Variants in ATAD1 observed in about 807,000 individuals in gnomAD.
ATAD1 encodes ATPase family AAA domain containing 1.
In ATAD1, 18 loss-of-function variants were observed where a neutral mutation model predicts 42.7. The observed-to-expected ratio is 0.42, with a 90% CI of 0.29 to 0.63. The LOEUF (loss-of-function observed/expected upper bound fraction) is 0.63. Ranked by LOEUF, ATAD1 falls within the 20% of genes least tolerant of loss-of-function variation. The pLI is 0.19. For missense variants in ATAD1, 294 were observed against 440.4 expected (o/e 0.67, Z 2.98); for synonymous variants, 132 against 143.1 (o/e 0.92, Z 0.55).
At position 87,810,691 on chromosome 10, in the gene ATAD1, T is replaced by A. The variant is rs557405071; in HGVS notation, c.162+3747A>T. Among the ~76,000 whole-genome samples, 3 of 152,362 alleles carry A rather than the reference T, an allele frequency of 2.0e-5. No individual in the cohort carries two copies. The South Asian group carries it at 6.2e-4, about 32-fold the overall frequency. On this transcript the variant is annotated intron_variant, in intron 2 of 9. Coordinates refer to ENST00000680024, the MANE Select transcript of ATAD1 (RefSeq NM_001321967.2). The stretch of plus-strand genomic sequence containing the variant: ...GGTATATACATTTCCATCTTTTTAC[T>A]TTCAACCTTTCTGAATCTATATTTT...
chr10:87,821,810 T>G (rs1478058522), upstream of ATAD1, among the ~76,000 whole-genome samples: 4 of 152,256 alleles, frequency 2.6e-5, no homozygotes, highest in Non-Finnish European at 4.4e-5. Context: ...GAAATAAATT[T>G]CTGTTGTTTA....
At chr10:87,770,570 A>G (rs1025571748) in intron 7 of ATAD1, among the ~76,000 whole-genome samples, 3 of 152,200 alleles carry the variant, frequency 2.0e-5, no homozygotes, top group Non-Finnish European at 2.9e-5. Flanking sequence ...GTTGTTGTTC[A>G]TGGCAGGCCT....
In ATAD1 at chr10:87,771,055, G is replaced by T. The variant is rs2131816220; in HGVS notation, c.691-14C>A. ...CATTACTATGACCTAAGTGTATAAA[G>T]AAGACAGAAGGTATTAAATCTACCA... On this transcript the variant is annotated splice_polypyrimidine_tract_variant and intron_variant, in intron 6 of 9. Coordinates refer to ENST00000680024, the MANE Select transcript of ATAD1 (RefSeq NM_001321967.2). 2.5e-6 allele frequency: 4 copies of T among 1,594,520 alleles called. No individual in the cohort carries two copies. Among genetic ancestry groups the T allele is most frequent in the Non-Finnish European group, 3.4e-6 (4 of 1,163,344 alleles).
At chr10:87,764,875 T>C (rs1239449156) in intron 8 of ATAD1, among the ~76,000 whole-genome samples, 1 of 151,440 alleles carries the variant, frequency 6.6e-6, no homozygotes, top group Non-Finnish European at 1.5e-5. Flanking sequence ...AACCTATAAA[T>C]TAAAAGAGAC....
intron 7 of ATAD1, among the ~76,000 whole-genome samples, chr10:87,768,984 G>A (rs1854901038): frequency 6.6e-6 from 1 of 152,160 alleles, no homozygotes; most frequent in African/African-American, 2.4e-5. Context: ...AGGAGGCTCA[G>A]GTGGAAAGAC....
intron 8 of ATAD1, 35 bp downstream of exon 8, chr10:87,767,638 A>G (rs757433175): frequency 4.5e-6 from 7 of 1,556,960 alleles, no homozygotes; most frequent in Non-Finnish European, 6.2e-6. Context: ...CATCAGATTT[A>G]TAGGACGGGG....
At chr10:87,831,942 T>G (rs1204612124) in intron 1 of ATAD1, among the ~76,000 whole-genome samples, 1 of 152,182 alleles carries the variant, frequency 6.6e-6, no homozygotes, top group Non-Finnish European at 1.5e-5. Context: ...CACAGAGAAG[T>G]TAAGTAACTC....
Position 87,751,674 on chromosome 10 carries a change from C to T in ATAD1, c.*3013G>A, listed in dbSNP as rs1461395495. 1 of 152,020 alleles carries T rather than the reference C, an allele frequency of 6.6e-6. No homozygotes were observed. The highest frequency in any genetic ancestry group is 2.4e-5 in the African/African-American group (1 of 41,400). 9.4% of individuals were successfully genotyped at this position (152,020 alleles called of 1,614,324 possible). A position where few individuals can be genotyped will look rare whatever the true frequency, so the allele number is the denominator to read the frequency against. ...CTATCTTTGATAACTAAATCTATAACAAATTTAATAATGAAGGCTCTGAAA... is the reference window on the plus strand; with the variant it reads ...CTATCTTTGATAACTAAATCTATAATAAATTTAATAATGAAGGCTCTGAAA... On this transcript the variant is annotated 3_prime_UTR_variant, in exon 10 of 10. Transcript: ENST00000680024.
At chr10:87,809,303 C>G (rs1857069669) in intron 2 of ATAD1, among the ~76,000 whole-genome samples, 1 of 152,096 alleles carries the variant, frequency 6.6e-6, no homozygotes, top group Non-Finnish European at 1.5e-5. Context: ...CTAACAGAAA[C>G]AGTTAATAAC....
At chr10:87,826,953 C>T (rs1857741780) in intron 1 of ATAD1, among the ~76,000 whole-genome samples, 1 of 152,190 alleles carries the variant, frequency 6.6e-6, no homozygotes, top group Admixed American at 6.5e-5. Context: ...AGTGTTACCC[C>T]ATTTCCTCCT....
At chr10:87,787,397 A>G (rs936651685) in intron 4 of ATAD1, among the ~76,000 whole-genome samples, 3 of 152,288 alleles carry the variant, frequency 2.0e-5, no homozygotes, top group East Asian at 1.9e-4. Context: ...AGGCAGGAGG[A>G]TAACGAGCCC....
At chr10:87,768,043 T>A (rs992908610) in intron 7 of ATAD1, among the ~76,000 whole-genome samples, 5 of 152,198 alleles carry the variant, frequency 3.3e-5, no homozygotes, top group Admixed American at 6.5e-5. Context: ...AATCTTCATT[T>A]TTTTTCCCTT....
At chr10:87,785,213 C>T (rs1156668441) in intron 4 of ATAD1, among the ~76,000 whole-genome samples, 2 of 152,050 alleles carry the variant, frequency 1.3e-5, no homozygotes, top group Non-Finnish European at 2.9e-5. Context: ...ATATTATTAA[C>T]CTATGGTCTC....
rs145553012 is a variant in ATAD1 at position 87,817,296 on chromosome 10, C to T, written c.-14+871G>A. On this transcript the variant is annotated intron_variant, in intron 1 of 9. Coordinates refer to ENST00000680024, the MANE Select transcript of ATAD1 (RefSeq NM_001321967.2). ...TAAAAGCTGCATGCGCATACAACAG[C>T]AGGGAGCGTATTTCAATCCTGTATA... Among the ~76,000 whole-genome samples, 487 of 152,272 alleles carry T rather than the reference C, an allele frequency of 3.2e-3. 3 individuals are homozygous for T. The highest frequency in any genetic ancestry group is 0.011 in the African/African-American group (463 of 41,536).
chr10:87,784,719 A>G, intron 4 of ATAD1, 49 bp from the exon 5 acceptor site: 1 of 1,523,128 alleles, frequency 6.6e-7, no homozygotes, highest in Non-Finnish European at 9.0e-7. Context: ...ATTTGCTTCA[A>G]TTTATATGAT....
chr10:87,783,251 G>A (rs1046363436), intron 5 of ATAD1, among the ~76,000 whole-genome samples: 34 of 151,828 alleles, frequency 2.2e-4, no homozygotes, highest in African/African-American at 7.7e-4. Context: ...CACACCTGTG[G>A]TCCCAGCTAC....
chr10:87,815,927 T>C (rs941065727), intron 1 of ATAD1, among the ~76,000 whole-genome samples: 13 of 152,246 alleles, frequency 8.5e-5, no homozygotes, highest in African/African-American at 3.1e-4. Flanking sequence ...CACATATATT[T>C]TCCCTTCAGC....
intron 2 of ATAD1, among the ~76,000 whole-genome samples, chr10:87,797,844 A>G (rs1020164672): frequency 3.9e-5 from 6 of 152,104 alleles, no homozygotes; most frequent in African/African-American, 1.2e-4. Context: ...ACCAAAATTA[A>G]TCTCTGTTTG....
chr10:87,813,103 G>C (rs146328419), intron 2 of ATAD1, among the ~76,000 whole-genome samples: 60 of 152,138 alleles, frequency 3.9e-4, no homozygotes, highest in African/African-American at 1.4e-3. Context: ...TTTCAATGAA[G>C]GCTTGTAGTA....
Sources: allele counts gnomAD v4.1 joint callset (sites outside exome capture counted in the v4.1 genomes callset), GRCh38; gene constraint gnomAD v4.1.1; transcripts MANE v1.5; gene names NCBI Gene and HGNC (gene_info 2026-07-23, HGNC 2026-07-21).